MYO1B: variants seen among roughly 807,000 people sequenced by gnomAD.
MYO1B encodes unconventional myosin-Ib.
In MYO1B, 72 loss-of-function variants were observed where a neutral mutation model predicts 159.7. The ratio of observed to expected loss-of-function variants is 0.45; its 90% CI spans 0.37 to 0.55. The LOEUF is 0.55. Among genes scored for constraint, MYO1B ranks in the 20% least tolerant of loss-of-function variants. The pLI is 0.00. For synonymous variants in MYO1B, 468 were observed against 473.8 expected (o/e 0.99, Z 0.16); for missense variants, 1,062 against 1,364.8 (o/e 0.78, Z 3.50).
intron 13 of MYO1B, among the ~76,000 whole-genome samples, chr2:191,378,755 G>A (rs955245250): frequency 6.6e-6 from 1 of 152,096 alleles, no homozygotes; most frequent in African/African-American, 2.4e-5. Context: ...GAGAGAATGA[G>A]CAATGTTTTT....
chr2:191,267,282 A>G (rs764393864), intron 1 of MYO1B, among the ~76,000 whole-genome samples: 7 of 152,120 alleles, frequency 4.6e-5, no homozygotes, highest in Non-Finnish European at 1.0e-4. Context: ...TTGCCTGGTA[A>G]TTTCATGTCC....
chr2:191,336,830 ACCTACAAAAGCTCAATT>A (rs1559179020), intron 4 of MYO1B, among the ~76,000 whole-genome samples: 2 of 152,164 alleles, frequency 1.3e-5, no homozygotes, highest in African/African-American at 4.8e-5. Context: ...GAACCACCAG[ACCTACAAAAGCTCAATT>A]CCTAGAAAAA....
In MYO1B at chr2:191,402,692, A is replaced by T; in HGVS notation, c.2530A>T (p.Ile844Phe). The change falls in exon 24 of 31, where the codon ATT (isoleucine) becomes TTT (phenylalanine). Residue 844 changes from isoleucine (I) to phenylalanine (F), a missense_variant. Physicochemically the swap from Ile to Phe is conservative, Grantham distance 21. Around this residue, in one of 5 missense-constraint regions of MYO1B, gnomAD observed 609 missense variants for 744.4 expected, o/e 0.82. Coordinates refer to ENST00000392318, the MANE Select transcript of MYO1B (RefSeq NM_001130158.3). Reference sequence around the variant, plus strand: ...TAGGCGTAAGCATGCAGTTGCTGTCATTTGGGCTTACTGGCTTGGACTGAA... The same window carrying T: ...TAGGCGTAAGCATGCAGTTGCTGTCTTTTGGGCTTACTGGCTTGGACTGAA... ...EARRKHAVAV[I>F]WAYWLGLKVR... 3 of 1,613,532 alleles carry T rather than the reference A, an allele frequency of 1.9e-6. No individual in the cohort carries two copies. The highest frequency in any genetic ancestry group is 2.5e-6 in the Non-Finnish European group (3 of 1,179,728).
intron 1 of MYO1B, among the ~76,000 whole-genome samples, chr2:191,266,975 C>T (rs1209599384): frequency 6.6e-6 from 1 of 152,058 alleles, no homozygotes; most frequent in East Asian, 1.9e-4. Flanking sequence ...TGGCCTGTGC[C>T]TGGGATTGAG....
At chr2:191,256,639 T>TA (rs1424734319) in intron 1 of MYO1B, among the ~76,000 whole-genome samples, 1 of 152,250 alleles carries the variant, frequency 6.6e-6, no homozygotes, top group Non-Finnish European at 1.5e-5. Context: ...GGGTGACTTT[T>TA]ACTTTTAACT....
chr2:191,316,816 C>G (rs1690380186), intron 3 of MYO1B, among the ~76,000 whole-genome samples: 1 of 152,144 alleles, frequency 6.6e-6, no homozygotes, highest in Admixed American at 6.5e-5. Flanking sequence ...ATTTCAGTGG[C>G]AAGAATGGCA....
chr2:191,329,762 C>A (rs1244122154), intron 3 of MYO1B, among the ~76,000 whole-genome samples, 173 bp from the exon 4 acceptor site: 3 of 151,494 alleles, frequency 2.0e-5, no homozygotes, highest in Non-Finnish European at 4.4e-5. Context: ...TAACGTGTCA[C>A]AATGGATGGG....
At position 191,341,003 on chromosome 2, in the gene MYO1B, C is replaced by T. The variant is rs78927395; in HGVS notation, c.347-458C>T. On this transcript the variant is annotated intron_variant, in intron 4 of 30. Coordinates refer to ENST00000392318, the MANE Select transcript of MYO1B (RefSeq NM_001130158.3). ...CTCCCAAAGTTGCTGGGATTACAGG[C>T]GGGAGCCACTGTGCCTGGCCGAGCA... Among the ~76,000 whole-genome samples the T allele has an allele frequency of 5.5e-3, 844 of 152,132 alleles. 8 individuals carry two copies. Among genetic ancestry groups the T allele is most frequent in the African/African-American group, 0.019 (807 of 41,516 alleles).
At chr2:191,408,066 C>G in intron 24 of MYO1B, 49 bp from the exon 25 acceptor site, 1 of 1,278,200 alleles carries the variant, frequency 7.8e-7, no homozygotes, top group Non-Finnish European at 1.1e-6. Context: ...CATTATGGAC[C>G]TGTACCAGCC....
intron 13 of MYO1B, among the ~76,000 whole-genome samples, chr2:191,376,549 C>T (rs6712073): frequency 0.82 from 124,257 of 152,150 alleles, 54,572 homozygotes; most frequent in Non-Finnish European, 0.98. Flanking sequence ...TATATAAATG[C>T]ATTGACTCAT....
chr2:191,378,328 CA>C (rs1694837735), intron 13 of MYO1B, among the ~76,000 whole-genome samples: 1 of 151,948 alleles, frequency 6.6e-6, no homozygotes, highest in African/African-American at 2.4e-5. Context: ...CTGTTTATTT[CA>C]CCTGGGTACA....
At chr2:191,392,820 A>G (rs1318804331) in intron 19 of MYO1B, among the ~76,000 whole-genome samples, 4 of 152,234 alleles carry the variant, frequency 2.6e-5, no homozygotes, top group African/African-American at 9.6e-5. Flanking sequence ...ACTTAAGGTC[A>G]ATTCAGCCCC....
At chr2:191,257,198 A>T (rs576127334) in intron 1 of MYO1B, among the ~76,000 whole-genome samples, 3 of 152,230 alleles carry the variant, frequency 2.0e-5, no homozygotes, top group East Asian at 3.9e-4. Flanking sequence ...CAGAAATCTA[A>T]ATGAAGTTGC....
At chr2:191,381,104 G>C in intron 13 of MYO1B, 1 of 338,154 alleles carries the variant, frequency 3.0e-6, no homozygotes, top group South Asian at 2.6e-5. Context: ...CCTGAGAATG[G>C]GAGATTCAGA....
In MYO1B at chr2:191,310,209, A is replaced by AT. The variant is rs1302090319; in HGVS notation, c.251+13994dup. On this transcript the variant is annotated intron_variant, in intron 3 of 30. Coordinates refer to ENST00000392318, the MANE Select transcript of MYO1B (RefSeq NM_001130158.3). ...CACTTGTGTTGAGTCTTGAAGAAGAATTTTTTTTTTTAAGACAGAATCTTA... is the reference window on the plus strand; with the variant it reads ...CACTTGTGTTGAGTCTTGAAGAAGAATTTTTTTTTTTTAAGACAGAATCTTA... Among the ~76,000 whole-genome samples, 304 of 149,528 alleles carry AT rather than the reference A, an allele frequency of 2.0e-3. 1 individual carries two copies. Among genetic ancestry groups the AT allele is most frequent in the African/African-American group, 6.1e-3 (250 of 40,934 alleles).
chr2:191,325,102 G>A (rs114886938), intron 3 of MYO1B, among the ~76,000 whole-genome samples: 4,188 of 152,166 alleles, frequency 0.028, 65 homozygotes, highest in Middle Eastern at 0.041. Flanking sequence ...TGGGCTTAGC[G>A]TGAAGTTAGA....
In MYO1B at chr2:191,402,678, A is replaced by T. The variant is rs750974260; in HGVS notation, c.2516A>T (p.His839Leu). 1 of 1,613,740 alleles carries T rather than the reference A, an allele frequency of 6.2e-7. No homozygotes were observed. Among genetic ancestry groups the T allele is most frequent in the Non-Finnish European group, 8.5e-7 (1 of 1,179,762 alleles). ...KRLKEEARRK[H>L]AVAVIWAYWL... Reference sequence around the variant, plus strand: ...TTGAAGGAGGAGGCTAGGCGTAAGCATGCAGTTGCTGTCATTTGGGCTTAC... The same window carrying T: ...TTGAAGGAGGAGGCTAGGCGTAAGCTTGCAGTTGCTGTCATTTGGGCTTAC... The change falls in exon 24 of 31, where the codon CAT (histidine) becomes CTT (leucine). Residue 839 changes from histidine (H) to leucine (L), a missense_variant. Physicochemically the swap from His to Leu is moderately conservative, Grantham distance 99. Transcript: ENST00000392318.
chr2:191,277,161 C>A (rs547239271), intron 2 of MYO1B, 131 bp downstream of exon 2: 2 of 1,115,270 alleles, frequency 1.8e-6, no homozygotes, highest in South Asian at 1.6e-5. Flanking sequence ...TTTATACCCT[C>A]AGAAAGAGTT....
At chr2:191,350,997 C>G (rs1391264416) in intron 7 of MYO1B, among the ~76,000 whole-genome samples, 21 of 151,920 alleles carry the variant, frequency 1.4e-4, no homozygotes, top group Admixed American at 1.4e-3. Flanking sequence ...CCTCTTGACT[C>G]GTGGTTGATT....
Sources: allele counts gnomAD v4.1 joint callset (sites outside exome capture counted in the v4.1 genomes callset), GRCh38; gene constraint gnomAD v4.1.1; regional missense constraint gnomAD v4.1.1; transcripts MANE v1.5; gene names NCBI Gene and HGNC (gene_info 2026-07-23, HGNC 2026-07-21).